Variants in DOCK2 observed in about 807,000 individuals in gnomAD.
The protein encoded by DOCK2 is dedicator of cytokinesis protein 2.
In DOCK2, 87 loss-of-function variants were observed where a neutral mutation model predicts 248.9. The ratio of observed to expected loss-of-function variants is 0.35; its 90% CI spans 0.29 to 0.42. The LOEUF (loss-of-function observed/expected upper bound fraction) is 0.42. Among genes scored for constraint, DOCK2 ranks in the 10% least tolerant of loss-of-function variants. DOCK2 has a pLI of 1.00. For synonymous variants in DOCK2, 805 were observed against 821.6 expected, an observed-to-expected ratio of 0.98 and a Z score of 0.35; for missense variants, 1,747 against 2,300.2, an observed-to-expected ratio of 0.76 and a Z score of 4.92.
At chr5:170,022,928 G>A (rs1041489655) in intron 33 of DOCK2, among the ~76,000 whole-genome samples, 1 of 152,218 alleles carries the variant, frequency 6.6e-6, no homozygotes, top group Non-Finnish European at 1.5e-5. Flanking sequence ...ACAGGGAGGT[G>A]CATTCCAGCA....
chr5:169,882,426 G>A, intron 27 of DOCK2: 1 of 752,584 alleles, frequency 1.3e-6, no homozygotes, highest in Non-Finnish European at 2.1e-6. Context: ...GTTATGATTT[G>A]GAGAAACAAC....
In DOCK2 at chr5:169,718,660, A is replaced by G; in HGVS notation, c.2136A>G (p.Lys712=). The G allele has an allele frequency of 6.2e-7, 1 of 1,611,380 alleles. No homozygotes were observed. Among genetic ancestry groups the G allele is most frequent in the Non-Finnish European group, 8.5e-7 (1 of 1,178,506 alleles). The change falls in exon 22 of 52, where the codon AAA becomes AAG. Residue 712 remains lysine (K), a synonymous_variant. Transcript: ENST00000520908. The part of the protein sequence containing the change: ...QHFSATLAYK[K]LMTVLKTYLD... ...GAAAATATTATCCCTTATTCAGGAAATTGATGACAGTGCTGAAGACTTACT... is the reference window on the plus strand; with the variant it reads ...GAAAATATTATCCCTTATTCAGGAAGTTGATGACAGTGCTGAAGACTTACT...
intron 8 of DOCK2, among the ~76,000 whole-genome samples, chr5:169,687,035 G>A (rs1212721535): frequency 6.6e-6 from 1 of 152,062 alleles, no homozygotes; most frequent in Non-Finnish European, 1.5e-5. Context: ...GATGGGACCA[G>A]CTCAGCCCTC....
At chr5:169,996,874 C>T (rs1001431847) in intron 30 of DOCK2, among the ~76,000 whole-genome samples, 38 of 152,246 alleles carry the variant, frequency 2.5e-4, no homozygotes, top group South Asian at 1.0e-3. Context: ...TTTTTCCTTG[C>T]TGTAGGGGTG....
chr5:170,022,934 C>A (rs1755779720), intron 33 of DOCK2, among the ~76,000 whole-genome samples: 1 of 152,184 alleles, frequency 6.6e-6, no homozygotes, highest in Non-Finnish European at 1.5e-5. Flanking sequence ...AGGTGCATTC[C>A]AGCAAATGTT....
intron 44 of DOCK2, among the ~76,000 whole-genome samples, chr5:170,065,161 AAAGTT>A (rs1295860254): frequency 1.3e-5 from 2 of 152,200 alleles, no homozygotes; most frequent in Non-Finnish European, 2.9e-5. Flanking sequence ...GTATGTGATC[AAAGTT>A]AAGTTGTTTT....
intron 26 of DOCK2, among the ~76,000 whole-genome samples, chr5:169,840,352 G>A (rs1769874256): frequency 6.6e-6 from 1 of 152,122 alleles, no homozygotes; most frequent in Non-Finnish European, 1.5e-5. Flanking sequence ...TGCCTTCTAC[G>A]AGGCCCCACC....
intron 27 of DOCK2, among the ~76,000 whole-genome samples, chr5:169,927,303 A>G (rs981027908): frequency 6.6e-6 from 1 of 152,186 alleles, no homozygotes; most frequent in African/African-American, 2.4e-5. Flanking sequence ...AAGGGGGTTG[A>G]GTTGTAATGC....
intron 27 of DOCK2, among the ~76,000 whole-genome samples, chr5:169,971,743 T>C (rs1777516257): frequency 6.6e-6 from 1 of 152,238 alleles, no homozygotes; most frequent in Non-Finnish European, 1.5e-5. Flanking sequence ...AGTAGGCAGG[T>C]GCCTGCATGG....
chr5:169,964,723 A>G (rs1358304089), intron 27 of DOCK2, among the ~76,000 whole-genome samples: 3 of 152,244 alleles, frequency 2.0e-5, no homozygotes, highest in Non-Finnish European at 4.4e-5. Context: ...TATTGGTGCC[A>G]TGTAGTAGCT....
At chr5:169,648,942 G>T (rs1227162229) in intron 1 of DOCK2, among the ~76,000 whole-genome samples, 1 of 152,198 alleles carries the variant, frequency 6.6e-6, no homozygotes, top group Non-Finnish European at 1.5e-5. Flanking sequence ...TTTGAGCTCT[G>T]GGGTGGCTGC....
intron 27 of DOCK2, among the ~76,000 whole-genome samples, chr5:169,977,075 C>G (rs536488802): frequency 2.0e-5 from 3 of 152,182 alleles, no homozygotes; most frequent in African/African-American, 7.2e-5. Flanking sequence ...AACTGGGGAA[C>G]TAAGTTTTCG....
intron 7 of DOCK2, among the ~76,000 whole-genome samples, chr5:169,682,493 G>C (rs1207994231): frequency 1.3e-5 from 2 of 152,248 alleles, no homozygotes; most frequent in African/African-American, 2.4e-5. Context: ...CGGGTAGGTG[G>C]AGACAGATCT....
chr5:169,720,392 TTTGG>T (rs1286639762), intron 22 of DOCK2, among the ~76,000 whole-genome samples: 2 of 152,180 alleles, frequency 1.3e-5, no homozygotes, highest in African/African-American at 4.8e-5. Flanking sequence ...AGTTCTTCCT[TTTGG>T]TGTATTTATT....
At chr5:169,977,000 G>A (rs185741437) in intron 27 of DOCK2, among the ~76,000 whole-genome samples, 1 of 152,338 alleles carries the variant, frequency 6.6e-6, no homozygotes, top group East Asian at 1.9e-4. Flanking sequence ...TGCACAGCAG[G>A]ATGTCCTGGG....
At chr5:170,001,612 T>G (rs1210981165) in intron 30 of DOCK2, among the ~76,000 whole-genome samples, 1 of 152,172 alleles carries the variant, frequency 6.6e-6, no homozygotes, top group Non-Finnish European at 1.5e-5. Context: ...CTCATATTTT[T>G]TTTAGGGAGG....
intron 25 of DOCK2, among the ~76,000 whole-genome samples, chr5:169,796,887 G>A (rs866811528): frequency 2.6e-5 from 4 of 152,140 alleles, no homozygotes; most frequent in African/African-American, 7.2e-5. Flanking sequence ...AGTGGTGAGC[G>A]CCCACGATGA....
At chr5:170,022,143 TCTTC>T (rs374505550) in intron 33 of DOCK2, among the ~76,000 whole-genome samples, 29 of 152,238 alleles carry the variant, frequency 1.9e-4, no homozygotes, top group African/African-American at 6.8e-4. Context: ...TTGTATGGGC[TCTTC>T]CTTTTATATC....
Position 170,066,038 on chromosome 5 carries a change from G to A in DOCK2, c.4468-1472G>A, listed in dbSNP as rs185801804. 6.4e-3 allele frequency among the ~76,000 whole-genome samples: 937 copies of A among 145,382 alleles called. 7 individuals carry two copies. Among genetic ancestry groups the A allele is most frequent in the Non-Finnish European group, 0.011 (760 of 67,372 alleles). ...GCGAACTCAGCTCACTGCAAGCTCCGCCTCCTGGGCTCATGCCATTCTCCT... is the reference window on the plus strand; with the variant it reads ...GCGAACTCAGCTCACTGCAAGCTCCACCTCCTGGGCTCATGCCATTCTCCT... On this transcript the variant is annotated intron_variant, in intron 44 of 51. Transcript: ENST00000520908.
Sources: gnomAD v4.1 joint callset for allele counts (sites outside exome capture counted in the v4.1 genomes callset) on GRCh38, gnomAD v4.1.1 for gene constraint, MANE v1.5 for transcripts, NCBI Gene and HGNC (gene_info 2026-07-23, HGNC 2026-07-21) for gene names.